IGF1R: variants seen among roughly 807,000 people sequenced by gnomAD.
The protein encoded by IGF1R is insulin like growth factor 1 receptor.
A neutral mutation model predicts 144.6 loss-of-function variants in IGF1R; 44 were observed. The ratio of observed to expected loss-of-function variants is 0.30; its 90% CI spans 0.24 to 0.39. The LOEUF is 0.39. Among genes scored for constraint, IGF1R ranks in the 10% least tolerant of loss-of-function variants. IGF1R has a pLI of 1.00. For missense variants in IGF1R, 1,355 were observed against 1,833.7 expected (o/e 0.74, Z 4.77); for synonymous variants, 795 against 722.8 (o/e 1.10, Z -1.60).
chr15:98,703,705 A>G (rs1166002448), intron 1 of IGF1R, among the ~76,000 whole-genome samples: 2 of 152,226 alleles, frequency 1.3e-5, no homozygotes, highest in Admixed American at 6.5e-5. Flanking sequence ...TCTGTTAACT[A>G]GTGGTCAACA....
At chr15:98,859,271 G>T (rs1423580697) in intron 2 of IGF1R, among the ~76,000 whole-genome samples, 1 of 152,184 alleles carries the variant, frequency 6.6e-6, no homozygotes, top group East Asian at 1.9e-4. Context: ...AGCCGATGAG[G>T]TAGATTCTAC....
intron 2 of IGF1R, among the ~76,000 whole-genome samples, chr15:98,815,362 TTGCCTCAG>T (rs1256225824): frequency 3.3e-5 from 5 of 152,200 alleles, no homozygotes; most frequent in Non-Finnish European, 7.3e-5. Context: ...CCGAATGGAA[TTGCCTCAG>T]TGAAGTTGTT....
At chr15:98,731,254 C>T (rs1045035084) in intron 2 of IGF1R, among the ~76,000 whole-genome samples, 17 of 152,344 alleles carry the variant, frequency 1.1e-4, no homozygotes, top group African/African-American at 4.1e-4. Context: ...TGAATCCTTT[C>T]TTCAGTGTTA....
chr15:98,870,694 G>A (rs183468218), intron 2 of IGF1R, among the ~76,000 whole-genome samples: 57 of 152,306 alleles, frequency 3.7e-4, no homozygotes, highest in South Asian at 2.1e-3. Context: ...AGACACAGCC[G>A]CATCCCAGAA....
chr15:98,700,563 C>T (rs1356144695), intron 1 of IGF1R, among the ~76,000 whole-genome samples: 1 of 152,148 alleles, frequency 6.6e-6, no homozygotes, highest in African/African-American at 2.4e-5. Flanking sequence ...TTCAAGTGGT[C>T]CTGATGCATG....
chr15:98,709,943 G>A (rs1328149198), intron 2 of IGF1R, among the ~76,000 whole-genome samples: 1 of 152,168 alleles, frequency 6.6e-6, no homozygotes, highest in African/African-American at 2.4e-5. Context: ...AGACCCCTGG[G>A]GTAGGGGTGA....
chr15:98,692,729 A>C (rs1229710062), intron 1 of IGF1R, among the ~76,000 whole-genome samples: 3 of 152,206 alleles, frequency 2.0e-5, no homozygotes, highest in Non-Finnish European at 4.4e-5. Flanking sequence ...CAACTACCTG[A>C]GATAATGTCC....
At chr15:98,862,349 T>G (rs985115990) in intron 2 of IGF1R, among the ~76,000 whole-genome samples, 1 of 152,228 alleles carries the variant, frequency 6.6e-6, no homozygotes, top group African/African-American at 2.4e-5. Context: ...TTGTTGACTG[T>G]TCCTCTTTGC....
chr15:98,729,028 A>G (rs557181204), intron 2 of IGF1R, among the ~76,000 whole-genome samples: 3 of 152,384 alleles, frequency 2.0e-5, no homozygotes, highest in South Asian at 4.1e-4. Flanking sequence ...ACATGGCACA[A>G]TGCCTCAATG....
intron 17 of IGF1R, among the ~76,000 whole-genome samples, chr15:98,936,065 C>T (rs868653727): frequency 2.0e-5 from 3 of 152,188 alleles, no homozygotes; most frequent in African/African-American, 7.2e-5. Context: ...TGCACTCATT[C>T]ATAAACCCCC....
chr15:98,698,619 G>GGATT (rs1381193198), intron 1 of IGF1R, among the ~76,000 whole-genome samples: 1 of 152,222 alleles, frequency 6.6e-6, no homozygotes, highest in East Asian at 1.9e-4. Context: ...GCATGTGAGA[G>GGATT]GATTTCCTTC....
intron 19 of IGF1R, among the ~76,000 whole-genome samples, chr15:98,946,599 G>T (rs1166883995): frequency 6.6e-6 from 1 of 152,196 alleles, no homozygotes; most frequent in Non-Finnish European, 1.5e-5. Context: ...CTCCGAGGAG[G>T]CCAAGGGCAT....
In IGF1R at chr15:98,960,295, T is replaced by G. The variant is rs1288185623; in HGVS notation, c.*2853T>G. Reference sequence around the variant, plus strand: ...TGAGATGTCCTGTTTTGTGTTGCTTTTTTTGTTTTGTTTTCTATCTTGGTT... The same window carrying G: ...TGAGATGTCCTGTTTTGTGTTGCTTGTTTTGTTTTGTTTTCTATCTTGGTT... On this transcript the variant is annotated 3_prime_UTR_variant, in exon 21 of 21. Coordinates refer to ENST00000650285, the MANE Select transcript of IGF1R (RefSeq NM_000875.5). The G allele has an allele frequency of 4.3e-6, 1 of 231,404 alleles. No homozygotes were observed. The highest frequency in any genetic ancestry group is 5.7e-5 in the Admixed American group (1 of 17,554). 14.3% of individuals were successfully genotyped at this position (231,404 alleles called of 1,614,324 possible).
At chr15:98,781,823 A>G (rs1006873445) in intron 2 of IGF1R, among the ~76,000 whole-genome samples, 2 of 152,110 alleles carry the variant, frequency 1.3e-5, no homozygotes, top group South Asian at 2.1e-4. Context: ...GACTTGATGG[A>G]TAATTTGGAC....
intron 1 of IGF1R, among the ~76,000 whole-genome samples, chr15:98,665,797 C>A (rs535007107): frequency 6.6e-6 from 1 of 152,318 alleles, no homozygotes; most frequent in South Asian, 2.1e-4. Context: ...CAGTGTGTTG[C>A]CTGATGCAGG....
chr15:98,952,819 A>G (rs2016831319), intron 20 of IGF1R: 1 of 152,226 alleles, frequency 6.6e-6, no homozygotes, highest in Non-Finnish European at 1.5e-5. Context: ...TGTTTAGTTC[A>G]GGAGGCATTT....
At chr15:98,660,276 C>T (rs1312111969) in intron 1 of IGF1R, 1 of 152,218 alleles carries the variant, frequency 6.6e-6, no homozygotes, top group African/African-American at 2.4e-5. Flanking sequence ...ACCAGCTTGC[C>T]CTCTGGCAAG....
chr15:98,780,420 A>G (rs2055828932), intron 2 of IGF1R, among the ~76,000 whole-genome samples: 1 of 151,838 alleles, frequency 6.6e-6, no homozygotes, highest in Non-Finnish European at 1.5e-5. Flanking sequence ...GTGGTGGCGC[A>G]TGCCTGTAAT....
chr15:98,753,742 G>T (rs1254475017), intron 2 of IGF1R, among the ~76,000 whole-genome samples: 2 of 152,112 alleles, frequency 1.3e-5, no homozygotes, highest in Non-Finnish European at 2.9e-5. Flanking sequence ...CTTACAGATG[G>T]TTTTATTACT....
Sources: allele counts gnomAD v4.1 joint callset (sites outside exome capture counted in the v4.1 genomes callset), GRCh38; gene constraint gnomAD v4.1.1; transcripts MANE v1.5; gene names NCBI Gene and HGNC (gene_info 2026-07-23, HGNC 2026-07-21).